FANCA: variants seen among roughly 807,000 people sequenced by gnomAD.
FANCA encodes Fanconi anemia group A protein.
In FANCA, 236 loss-of-function variants were observed where a neutral mutation model predicts 194.3. That is an observed-to-expected ratio of 1.21 (90% CI 1.09 to 1.35). FANCA has a LOEUF of 1.35. Ranked by LOEUF, FANCA falls within the 40% of genes most tolerant of loss-of-function variation. FANCA has a pLI of 0.00. For missense variants in FANCA, 2,628 were observed against 1,813.9 expected, an observed-to-expected ratio of 1.45 and a Z score of -8.15; for synonymous variants, 1,014 against 715.8, an observed-to-expected ratio of 1.42 and a Z score of -6.65.
chr16:89,737,627 T>G lies in FANCA; in HGVS notation c.*974A>C. 1 of 1,223,554 alleles carries G rather than the reference T, an allele frequency of 8.2e-7. No individual in the cohort carries two copies. The highest frequency in any genetic ancestry group is 1.1e-6 in the Non-Finnish European group (1 of 904,024). 75.8% of individuals were successfully genotyped at this position (1,223,554 alleles called of 1,614,324 possible). A position where few individuals can be genotyped will look rare whatever the true frequency, so the allele number is the denominator to read the frequency against. On this transcript the variant is annotated 3_prime_UTR_variant, in exon 43 of 43. Coordinates refer to ENST00000389301, the MANE Select transcript of FANCA (RefSeq NM_000135.4). The stretch of plus-strand genomic sequence containing the variant: ...GCTGATGAAGCCACGTGACAGTGTA[T>G]AAAGCAGTTTAAAGATCTTAATAAA...
chr16:89,748,897 C>CT, intron 32 of FANCA, 130 bp from the exon 33 acceptor site: 2 of 749,734 alleles, frequency 2.7e-6, no homozygotes, highest in Non-Finnish European at 4.7e-6. Flanking sequence ...GAGCCTTGGC[C>CT]TGTGTCCCTC....
At chr16:89,739,724 G>C (rs967318734) in intron 39 of FANCA, 171 bp from the exon 40 acceptor site, 1 of 1,503,314 alleles carries the variant, frequency 6.7e-7, no homozygotes, top group East Asian at 2.5e-5. Flanking sequence ...AGCTGGGAGA[G>C]GATGGGGGGG....
rs17232091 is a variant in FANCA, at chr16:89,815,951, T to G, written c.115A>C (p.Arg39=). The G allele has an allele frequency of 1.1e-3, 1,815 of 1,614,092 alleles. 36 individuals are homozygous for G. In the East Asian group the frequency reaches 0.034, roughly 31 times the overall value. ...RVKREKYNPE[R]AQKLKESAVR... Reference sequence around the variant, plus strand: ...GCTGATTCCTTTAATTTCTGTGCCCTTTCAGGATTATATTTTTCCCTCTTG... The same window carrying G: ...GCTGATTCCTTTAATTTCTGTGCCCGTTCAGGATTATATTTTTCCCTCTTG... Residue 39 remains arginine (R), a synonymous_variant, in exon 2 of 43, where the codon AGG becomes CGG. Coordinates refer to ENST00000389301, the MANE Select transcript of FANCA (RefSeq NM_000135.4).
At chr16:89,747,327 C>T (rs1354250159) in intron 33 of FANCA, among the ~76,000 whole-genome samples, 3 of 152,216 alleles carry the variant, frequency 2.0e-5, no homozygotes, top group African/African-American at 7.2e-5. Context: ...TGAAAAACAG[C>T]CATTCATAAG....
chr16:89,739,507 G>T lies in FANCA; in HGVS notation c.3981C>A (p.His1327Gln). The T allele has an allele frequency of 2.6e-6, 4 of 1,551,404 alleles. No homozygotes were observed. Among genetic ancestry groups the T allele is most frequent in the South Asian group, 1.2e-5 (1 of 84,080 alleles). The change falls in exon 40 of 43, where the codon CAC becomes CAA. Residue 1327 changes from histidine (H) to glutamine (Q), a missense_variant. Physicochemically the swap from His to Gln is conservative, Grantham distance 24. Coordinates refer to ENST00000389301, the MANE Select transcript of FANCA (RefSeq NM_000135.4). ...RLLLRVAPDQ[H>Q]TRLLPFAFYS... ...AAAAAGCGAAAGGCAGCAGCCTGGT[G>T]TGCTGATCCGGGGCCACACGGAGGA...
chr16:89,785,264 A>G (rs1056816906), intron 14 of FANCA, among the ~76,000 whole-genome samples: 2 of 152,256 alleles, frequency 1.3e-5, no homozygotes, highest in African/African-American at 4.8e-5. Context: ...AAGTTATTCG[A>G]AGAAAAACAG....
At chr16:89,795,434 C>T (rs55724126) in intron 11 of FANCA, among the ~76,000 whole-genome samples, 1 of 152,048 alleles carries the variant, frequency 6.6e-6, no homozygotes, top group Non-Finnish European at 1.5e-5. Context: ...GTCAGGAGTT[C>T]GAGGCCAGCC....
At chr16:89,748,617 GCA>G (rs2038472553) in intron 33 of FANCA, 40 bp downstream of exon 33, 3 of 1,462,704 alleles carry the variant, frequency 2.1e-6, no homozygotes, top group Non-Finnish European at 2.9e-6. Context: ...AGCGCCACAG[GCA>G]CTGACAGATC....
At chr16:89,791,897 C>G (rs931201308) in intron 13 of FANCA, 30 bp downstream of exon 13, 1 of 1,613,808 alleles carries the variant, frequency 6.2e-7, no homozygotes. Context: ...CACTCTTGAC[C>G]AGCACCACCG....
At chr16:89,777,266 C>G (rs1395295695) in intron 20 of FANCA, among the ~76,000 whole-genome samples, 1 of 151,940 alleles carries the variant, frequency 6.6e-6, no homozygotes, top group Non-Finnish European at 1.5e-5. Context: ...CCTCTAGACC[C>G]AGCTACTTGG....
intron 30 of FANCA, among the ~76,000 whole-genome samples, chr16:89,753,384 G>C (rs1333848357): frequency 1.3e-5 from 2 of 152,208 alleles, no homozygotes; most frequent in Non-Finnish European, 2.9e-5. Context: ...TCTCTGTCTT[G>C]TGTCTTTATT....
chr16:89,748,578 C>G (rs2038470947), intron 33 of FANCA, 81 bp downstream of exon 33: 1 of 1,051,722 alleles, frequency 9.5e-7, no homozygotes, highest in South Asian at 1.3e-5. Context: ...ACGGTCAGTA[C>G]ACGCATGGAG....
chr16:89,769,951 G>A lies in FANCA; in HGVS notation c.2390C>T (p.Ala797Val), dbSNP rs138248569. 296 of 1,614,032 alleles carry A rather than the reference G, an allele frequency of 1.8e-4. No individual in the cohort carries two copies. The highest frequency in any genetic ancestry group is 8.2e-4 in the Middle Eastern group (5 of 6,062). The stretch of plus-strand genomic sequence containing the variant: ...AGGACCCACATCCACCTCTGGGAGC[G>A]CAGACCTGGACTCACCCAGGTGCAC... ...LAVHLGESRSALPEVDVGPPA... is the reference protein window; with the variant it reads ...LAVHLGESRSVLPEVDVGPPA... Residue 797 changes from alanine to valine, a missense_variant, in exon 26 of 43, where the codon GCG becomes GTG. Physicochemically the swap from Ala to Val is moderately conservative, Grantham distance 64 (BLOSUM62 0). Coordinates refer to ENST00000389301, the MANE Select transcript of FANCA (RefSeq NM_000135.4).
rs2041036990 is a variant in FANCA, at chr16:89,814,808, G to A, written c.190-195C>T. On this transcript the variant is annotated intron_variant, in intron 2 of 42. Transcript: ENST00000389301. ...ATACAAAAATTAGGAGGGCATGGTGGCGCGTGCCTGTAGTCCCAGCCACTC... is the reference window on the plus strand; with the variant it reads ...ATACAAAAATTAGGAGGGCATGGTGACGCGTGCCTGTAGTCCCAGCCACTC... Among the ~76,000 whole-genome samples the A allele has an allele frequency of 2.0e-5, 3 of 152,048 alleles. No individual in the cohort carries two copies. In the South Asian group the frequency reaches 6.2e-4, roughly 32 times the overall value.
intron 29 of FANCA, among the ~76,000 whole-genome samples, chr16:89,760,207 C>G (rs1310261692): frequency 6.6e-6 from 1 of 152,264 alleles, no homozygotes; most frequent in Non-Finnish European, 1.5e-5. Flanking sequence ...TTAGACTCCA[C>G]CCCAGAGAGC....
chr16:89,803,469 C>A, intron 7 of FANCA, 128 bp from the exon 8 acceptor site: 1 of 827,162 alleles, frequency 1.2e-6, no homozygotes, highest in Non-Finnish European at 2.1e-6. Context: ...CCCCTGTGAG[C>A]TGCTCCTAAC....
intron 29 of FANCA, among the ~76,000 whole-genome samples, chr16:89,760,017 G>A (rs762619112): frequency 3.3e-5 from 5 of 152,188 alleles, no homozygotes; most frequent in Non-Finnish European, 7.3e-5. Context: ...CACGCTGTCC[G>A]GAACTGGGGT....
chr16:89,813,027 C>T (rs1040802267), intron 3 of FANCA, among the ~76,000 whole-genome samples: 11 of 105,632 alleles, frequency 1.0e-4, no homozygotes, highest in African/African-American at 3.9e-4. Context: ...AGCAACACTT[C>T]GTCTCAAAAA....
At position 89,738,595 on chromosome 16, in the gene FANCA, G is replaced by T. The variant is rs772589360; in HGVS notation, c.*6C>A. 4 of 1,613,030 alleles carry T rather than the reference G, an allele frequency of 2.5e-6. No individual in the cohort carries two copies. Among genetic ancestry groups the T allele is most frequent in the Non-Finnish European group, 2.5e-6 (3 of 1,180,024 alleles). On this transcript the variant is annotated 3_prime_UTR_variant, in exon 43 of 43. Coordinates refer to ENST00000389301, the MANE Select transcript of FANCA (RefSeq NM_000135.4). ...GAGCTGGGCTGGTGTGCAGTGGCAG[G>T]TCCCGTCAGAAGAGATGAGGCTCCT... is the stretch of plus-strand genomic sequence containing the variant.
Sources: allele counts gnomAD v4.1 joint callset (sites outside exome capture counted in the v4.1 genomes callset), GRCh38; gene constraint gnomAD v4.1.1; transcripts MANE v1.5; gene names NCBI Gene and HGNC (gene_info 2026-07-23, HGNC 2026-07-21).